SF3B2: variants seen among roughly 807,000 people sequenced by gnomAD.
SF3B2 encodes SAP 145.
A neutral mutation model predicts 116.3 loss-of-function variants in SF3B2; 22 were observed. That is an observed-to-expected ratio of 0.19 (90% CI 0.14 to 0.27). The LOEUF (loss-of-function observed/expected upper bound fraction) is 0.27, where lower values mean the gene tolerates loss of function less well. SF3B2 is among the 10% of genes least tolerant of loss of function. The probability of loss-of-function intolerance (pLI) is 1.00; values close to 1 mark genes in which losing one functional copy is unlikely to be tolerated. For synonymous variants in SF3B2, 406 were observed against 421.6 expected, an observed-to-expected ratio of 0.96 and a Z score of 0.45; for missense variants, 767 against 1,151.4, an observed-to-expected ratio of 0.67 and a Z score of 4.83.
chr11:66,063,160 G>A (rs2135052968), intron 17 of SF3B2, 44 bp downstream of exon 17: 1 of 1,440,778 alleles, frequency 6.9e-7, no homozygotes, highest in Non-Finnish European at 9.7e-7. Flanking sequence ...TTAATGTCAT[G>A]AAGGTTAGAT....
chr11:66,067,592 G>T (rs1351014173), intron 19 of SF3B2: 25 of 468,302 alleles, frequency 5.3e-5, no homozygotes. Context: ...TTCTTCGGGT[G>T]GGAACTGTTG....
chr11:66,065,776 C>T (rs1223195456), intron 19 of SF3B2: 1 of 152,102 alleles, frequency 6.6e-6, no homozygotes, highest in Non-Finnish European at 1.5e-5. Flanking sequence ...TATAATTCTC[C>T]TTTCTAGAAG....
At chr11:66,052,773 A>T in intron 2 of SF3B2, 54 bp downstream of exon 2, 1 of 1,513,944 alleles carries the variant, frequency 6.6e-7, no homozygotes, top group Non-Finnish European at 8.9e-7. Flanking sequence ...AGGAGACCTT[A>T]TATACCCCAT....
chr11:66,061,844 C>T (rs918307837), intron 15 of SF3B2, 47 bp from the exon 16 acceptor site: 1 of 1,603,798 alleles, frequency 6.2e-7, no homozygotes, highest in Non-Finnish European at 8.5e-7. Context: ...AAGGCAGAGA[C>T]AGGGATAGGG....
At chr11:66,058,248 A>T (rs1233758578) in intron 8 of SF3B2, 66 bp from the exon 9 acceptor site, 2 of 1,577,432 alleles carry the variant, frequency 1.3e-6, no homozygotes, top group Non-Finnish European at 1.7e-6. Flanking sequence ...TGGTAAAGGC[A>T]GGTTACTGTG....
At position 66,061,957 on chromosome 11, in the gene SF3B2, C is replaced by T; in HGVS notation, c.1936C>T (p.Pro646Ser). The T allele has an allele frequency of 6.2e-7, 1 of 1,613,628 alleles. No homozygotes were observed. The highest frequency in any genetic ancestry group is 8.5e-7 in the Non-Finnish European group (1 of 1,179,894). ...GCGATATGGACCACCCCCATCGTAT[C>T]CCAACCTGAAAATCCCTGGGCTGAA... ...MQRYGPPPSY[P>S]NLKIPGLNSP... Residue 646 changes from proline (P) to serine (S), a missense_variant, in exon 16 of 22, where the codon CCC (proline) becomes TCC (serine). By Grantham distance (74) the Pro-to-Ser change is moderately conservative (BLOSUM62 -1). Coordinates refer to ENST00000322535, the MANE Select transcript of SF3B2 (RefSeq NM_006842.3).
At chr11:66,065,005 T>G (rs1471110959) in intron 19 of SF3B2, 1 of 152,196 alleles carries the variant, frequency 6.6e-6, no homozygotes, top group Non-Finnish European at 1.5e-5. Flanking sequence ...GGAATCTTGC[T>G]ATGTCGCCCA....
At chr11:66,065,152 A>C (rs1857160425) in intron 19 of SF3B2, 1 of 152,074 alleles carries the variant, frequency 6.6e-6, no homozygotes, top group African/African-American at 2.4e-5. Context: ...TTATATTTTT[A>C]GTAGGGATGG....
chr11:66,065,618 A>G (rs1857169071), intron 19 of SF3B2: 1 of 152,212 alleles, frequency 6.6e-6, no homozygotes, highest in African/African-American at 2.4e-5. Flanking sequence ...AATAAATGAA[A>G]AAATAAATGA....
chr11:66,058,223 C>G, intron 8 of SF3B2, 73 bp downstream of exon 8: 1 of 1,577,558 alleles, frequency 6.3e-7, no homozygotes, highest in Non-Finnish European at 8.7e-7. Flanking sequence ...TCCCTCTGTC[C>G]CTTTCCCTGG....
In SF3B2 at chr11:66,068,720, A is replaced by G; in HGVS notation, c.2663A>G (p.Lys888Arg). ...AQPQDSRGGS[K>R]KYKEFKF ...CCCCAGGACAGCCGTGGGGGCAGCA[A>G]GAAATATAAGGAGTTCAAGTTTTAG... Residue 888 changes from lysine (K) to arginine (R), a missense_variant, in exon 22 of 22, where the codon AAG becomes AGG. Coordinates refer to ENST00000322535, the MANE Select transcript of SF3B2 (RefSeq NM_006842.3). The G allele has an allele frequency of 6.2e-7, 1 of 1,614,134 alleles. No individual in the cohort carries two copies. The highest frequency in any genetic ancestry group is 8.5e-7 in the Non-Finnish European group (1 of 1,180,008).
chr11:66,058,345 G>A lies in SF3B2; in HGVS notation c.906G>A (p.Ser302=), dbSNP rs199702362. The change falls in exon 9 of 22, where the codon TCG becomes TCA. Residue 302 remains serine, a synonymous_variant. Coordinates refer to ENST00000322535, the MANE Select transcript of SF3B2 (RefSeq NM_006842.3). ...AGGAAATGGAAACAGATGCTCGCTCGTCCCTGGGCCAGTCAGCGTCAGAGA... is the reference window on the plus strand; with the variant it reads ...AGGAAATGGAAACAGATGCTCGCTCATCCCTGGGCCAGTCAGCGTCAGAGA... ...EEEEMETDAR[S]SLGQSASETE... 2.0e-4 allele frequency: 316 copies of A among 1,614,022 alleles called. No individual in the cohort carries two copies. The highest frequency in any genetic ancestry group is 1.8e-4 in the Non-Finnish European group (211 of 1,179,990).
Position 66,058,379 on chromosome 11 carries a change from G to C in SF3B2, c.940G>C (p.Asp314His), listed in dbSNP as rs780242947. The stretch of plus-strand genomic sequence containing the variant: ...CCAGTCAGCGTCAGAGACTGAGGAG[G>C]ACACAGTGTCCGTATCTAAAAAGGA... Reference protein sequence around the residue: ...LGQSASETEEDTVSVSKKEKN... With the variant: ...LGQSASETEEHTVSVSKKEKN... The change falls in exon 9 of 22, where the codon GAC becomes CAC. Residue 314 changes from aspartate (D) to histidine (H), a missense_variant. By Grantham distance (81) the Asp-to-His change is moderately conservative. Around this residue, in one of 4 missense-constraint regions of SF3B2, gnomAD observed 455 missense variants for 537.5 expected, o/e 0.85. Coordinates refer to ENST00000322535, the MANE Select transcript of SF3B2 (RefSeq NM_006842.3). 2 of 1,613,914 alleles carry C rather than the reference G, an allele frequency of 1.2e-6. No individual in the cohort carries two copies. The highest frequency in any genetic ancestry group is 1.7e-6 in the Non-Finnish European group (2 of 1,179,966).
intron 4 of SF3B2, 55 bp downstream of exon 4, chr11:66,055,370 G>A (rs548461290): frequency 1.3e-6 from 2 of 1,592,712 alleles, no homozygotes; most frequent in African/African-American, 2.7e-5. Context: ...AAGGGGCAGT[G>A]GAGCCTTAGA....
chr11:66,052,839 CT>C, intron 2 of SF3B2, 120 bp downstream of exon 2: 3 of 1,314,808 alleles, frequency 2.3e-6, no homozygotes, highest in Non-Finnish European at 2.1e-6. Flanking sequence ...GAGGCTTGCC[CT>C]TTTTAGCTTG....
At position 66,058,422 on chromosome 11, in the gene SF3B2, AGT is replaced by A. The variant is rs1181426580; in HGVS notation, c.966+21_966+22del. On this transcript the variant is annotated intron_variant, in intron 9 of 21. Coordinates refer to ENST00000322535, the MANE Select transcript of SF3B2 (RefSeq NM_006842.3). ...AAAAAGGAGGTAGGGATTGGAGCTG[AGT>A]GTGGAAGGAAAGCCAGGAGATGGGA... The A allele has an allele frequency of 2.5e-6, 4 of 1,601,614 alleles. No individual in the cohort carries two copies. The African/African-American group carries it at 5.4e-5, about 21-fold the overall frequency.
In SF3B2 at chr11:66,063,579, A is replaced by G. The variant is rs190711175; in HGVS notation, c.2228+37A>G. The G allele has an allele frequency of 7.4e-5, 120 of 1,610,930 alleles. No individual in the cohort carries two copies. In the East Asian group the frequency reaches 2.6e-3, roughly 35 times the overall value. The stretch of plus-strand genomic sequence containing the variant: ...AGAGAATGCCTCTTGGAAGTGGGCT[A>G]TCTTTGGGGTCCTTCTCTTTACTCC... On this transcript the variant is annotated intron_variant, in intron 18 of 21. Coordinates refer to ENST00000322535, the MANE Select transcript of SF3B2 (RefSeq NM_006842.3).
intron 19 of SF3B2, among the ~76,000 whole-genome samples, chr11:66,064,488 CAT>C (rs1360726445): frequency 1.3e-5 from 2 of 152,148 alleles, no homozygotes; most frequent in Non-Finnish European, 2.9e-5. Context: ...TTCACTTTTA[CAT>C]ATGTTATAAA....
chr11:66,068,415 GGT>G, intron 21 of SF3B2, 82 bp downstream of exon 21: 2 of 1,391,968 alleles, frequency 1.4e-6, no homozygotes, highest in Non-Finnish European at 1.9e-6. Context: ...GCCCTCTAGT[GGT>G]GAGAGTGAGG....
Sources: allele counts gnomAD v4.1 joint callset (sites outside exome capture counted in the v4.1 genomes callset), GRCh38; gene constraint gnomAD v4.1.1; regional missense constraint gnomAD v4.1.1; transcripts MANE v1.5; gene names NCBI Gene and HGNC (gene_info 2026-07-23, HGNC 2026-07-21).